CNTNAP2: variants seen among roughly 807,000 people sequenced by gnomAD.
CNTNAP2 encodes the protein contactin associated protein 2.
A neutral mutation model predicts 155.2 loss-of-function variants in CNTNAP2; 98 were observed. The observed-to-expected ratio is 0.63, with a 90% CI of 0.54 to 0.75. CNTNAP2 has a LOEUF of 0.75. CNTNAP2 is among the 30% of genes least tolerant of loss of function. The pLI, the probability that CNTNAP2 is intolerant of heterozygous loss-of-function variation, is 0.00. For synonymous variants in CNTNAP2, 651 were observed against 631.2 expected (o/e 1.03, Z -0.47); for missense variants, 1,727 against 1,688.1 (o/e 1.02, Z -0.40).
intron 21 of CNTNAP2, among the ~76,000 whole-genome samples, chr7:148,307,648 A>G (rs1226265887): frequency 6.6e-6 from 1 of 152,148 alleles, no homozygotes; most frequent in Non-Finnish European, 1.5e-5. Flanking sequence ...ATCCTTCAGC[A>G]CTTCTATTTT....
chr7:147,907,527 GAC>G (rs1213908664), intron 14 of CNTNAP2, among the ~76,000 whole-genome samples: 1 of 152,134 alleles, frequency 6.6e-6, no homozygotes, highest in Non-Finnish European at 1.5e-5. Flanking sequence ...TGCTTCTAGA[GAC>G]ACTTTCTAAA....
At chr7:146,303,549 G>T (rs115990319) in intron 1 of CNTNAP2, among the ~76,000 whole-genome samples, 2,212 of 152,132 alleles carry the variant, frequency 0.015, 58 homozygotes, top group African/African-American at 0.049. Context: ...ACTGGAGCAG[G>T]TTTTTCAGTT....
chr7:146,142,640 C>A (rs1486249151), intron 1 of CNTNAP2, among the ~76,000 whole-genome samples: 1 of 152,118 alleles, frequency 6.6e-6, no homozygotes, highest in Non-Finnish European at 1.5e-5. Context: ...AGAAAACAAA[C>A]CTTAGAAATA....
At chr7:147,926,158 A>G (rs1800394517) in intron 14 of CNTNAP2, among the ~76,000 whole-genome samples, 1 of 152,150 alleles carries the variant, frequency 6.6e-6, no homozygotes, top group African/African-American at 2.4e-5. Context: ...TTGAAAGTCT[A>G]GTATGAAGAG....
At chr7:148,296,146 T>TAG (rs1797280955) in intron 21 of CNTNAP2, among the ~76,000 whole-genome samples, 2 of 152,058 alleles carry the variant, frequency 1.3e-5, no homozygotes, top group South Asian at 4.2e-4. Context: ...AAGACAGGTA[T>TAG]CTCTTCATGA....
rs1323284847 is a variant in CNTNAP2 at position 147,537,945 on chromosome 7, TTA to T, written c.1778-24191_1778-24190del. ...GTTAACTAAAGATTCCTTGAATATATTATCTCTATTTATTTTATTTCTTCTGA... is the reference window on the plus strand; with the variant it reads ...GTTAACTAAAGATTCCTTGAATATATTCTCTATTTATTTTATTTCTTCTGA... On this transcript the variant is annotated intron_variant, in intron 11 of 23. Coordinates refer to ENST00000361727, the MANE Select transcript of CNTNAP2 (RefSeq NM_014141.6). Among the ~76,000 whole-genome samples, 7 of 152,342 alleles carry T rather than the reference TTA, an allele frequency of 4.6e-5. No individual in the cohort carries two copies. In the South Asian group the frequency reaches 1.4e-3, roughly 32 times the overall value.
intron 12 of CNTNAP2, among the ~76,000 whole-genome samples, chr7:147,614,422 T>A (rs1411826075): frequency 6.6e-6 from 1 of 152,120 alleles, no homozygotes; most frequent in Non-Finnish European, 1.5e-5. Context: ...TTTGTGAGAT[T>A]TTGTTTTATT....
chr7:146,727,176 A>C (rs546876003), intron 1 of CNTNAP2, among the ~76,000 whole-genome samples: 1 of 152,274 alleles, frequency 6.6e-6, no homozygotes, highest in Non-Finnish European at 1.5e-5. Context: ...AATACGAGAT[A>C]TCCCCATGAT....
At chr7:147,449,276 A>G (rs1482079174) in intron 10 of CNTNAP2, among the ~76,000 whole-genome samples, 1 of 152,226 alleles carries the variant, frequency 6.6e-6, no homozygotes, top group Admixed American at 6.5e-5. Context: ...AAATGTGAAC[A>G]TAAAATGCAA....
rs148104020 is a variant in CNTNAP2, at chr7:148,172,360, G to A, written c.2892G>A (p.Ser964=). 6.6e-4 allele frequency: 1,073 copies of A among 1,614,092 alleles called. 5 individuals are homozygous for A. In the African/African-American group the frequency reaches 9.6e-3, roughly 14 times the overall value. The change falls in exon 18 of 24, where the codon TCG becomes TCA. Residue 964 remains serine, a synonymous_variant. Transcript: ENST00000361727. The part of the protein sequence containing the change: ...KVTSGFISGC[S]GHCTSYGTNC... ...CATCTGGGTTCATATCCGGATGCTC[G>A]GGCCATTGCACCAGCTATGGAACAA...
intron 10 of CNTNAP2, among the ~76,000 whole-genome samples, chr7:147,455,871 G>A (rs1388198732): frequency 2.0e-5 from 3 of 152,070 alleles, no homozygotes; most frequent in Non-Finnish European, 4.4e-5. Context: ...TCAACACTAG[G>A]AAGTCTAATA....
At chr7:148,173,480 C>T (rs1368385119) in intron 18 of CNTNAP2, among the ~76,000 whole-genome samples, 5 of 152,164 alleles carry the variant, frequency 3.3e-5, no homozygotes, top group East Asian at 1.9e-4. Context: ...ACACAAGATG[C>T]CACACACAGA....
chr7:148,058,730 G>A (rs953074760), intron 15 of CNTNAP2, among the ~76,000 whole-genome samples: 7 of 151,632 alleles, frequency 4.6e-5, no homozygotes, highest in Non-Finnish European at 2.9e-5. Flanking sequence ...TTGAAAATAG[G>A]AAGAAGGAGT....
chr7:147,045,417 G>C (rs770009030), intron 4 of CNTNAP2, among the ~76,000 whole-genome samples: 9 of 152,158 alleles, frequency 5.9e-5, no homozygotes, highest in Non-Finnish European at 1.2e-4. Context: ...CCCGAATACT[G>C]TCTTATTAAT....
chr7:146,593,004 C>G (rs999923594), intron 1 of CNTNAP2, among the ~76,000 whole-genome samples: 1 of 151,902 alleles, frequency 6.6e-6, no homozygotes, highest in Non-Finnish European at 1.5e-5. Flanking sequence ...GGGTCGTTCT[C>G]GGGGTATGCT....
chr7:146,273,738 T>C (rs1334874201), intron 1 of CNTNAP2, among the ~76,000 whole-genome samples: 1 of 152,144 alleles, frequency 6.6e-6, no homozygotes, highest in Non-Finnish European at 1.5e-5. Flanking sequence ...ACACCTATTC[T>C]GCGGTCTGTG....
At chr7:147,252,338 A>C (rs745600423) in intron 8 of CNTNAP2, among the ~76,000 whole-genome samples, 1 of 152,184 alleles carries the variant, frequency 6.6e-6, no homozygotes, top group African/African-American at 2.4e-5. Context: ...AAATTGCTCA[A>C]GTGTTTTATT....
rs1332551916 is a variant in CNTNAP2 at position 146,721,875 on chromosome 7, G to GTGTGTATATATA, written c.98-52395_98-52394insGTGTATATATAT. Among the ~76,000 whole-genome samples, 9 of 76,642 alleles carry GTGTGTATATATA rather than the reference G, an allele frequency of 1.2e-4. No homozygotes were observed. The African/African-American group carries it at 1.7e-3, about 14-fold the overall frequency. 50.3% of individuals were successfully genotyped at this position (76,642 alleles called of 152,430 possible). ...TACATTTATATGTGTGTGTGTGTGT[G>GTGTGTATATATA]TATATATATATATATTTTTTTTTTT... On this transcript the variant is annotated intron_variant, in intron 1 of 23. Transcript: ENST00000361727.
At chr7:147,999,743 A>T (rs1801865619) in intron 15 of CNTNAP2, among the ~76,000 whole-genome samples, 1 of 151,914 alleles carries the variant, frequency 6.6e-6, no homozygotes, top group African/African-American at 2.4e-5. Flanking sequence ...ACACACACAC[A>T]CTCTCACACA....
Sources: gnomAD v4.1 joint callset for allele counts (sites outside exome capture counted in the v4.1 genomes callset) on GRCh38, gnomAD v4.1.1 for gene constraint, MANE v1.5 for transcripts, NCBI Gene and HGNC (gene_info 2026-07-23, HGNC 2026-07-21) for gene names.